Variants in RARB observed in about 807,000 individuals in gnomAD.
The protein encoded by RARB is HBV-activated protein.
RARB carries 17 observed loss-of-function variants against 51.9 expected under a neutral mutation model. The observed-to-expected ratio is 0.33, with a 90% CI of 0.22 to 0.49. RARB has a LOEUF of 0.49. RARB is among the 20% of genes least tolerant of loss of function. RARB has a pLI of 0.99. For synonymous variants in RARB, 215 were observed against 195.4 expected (o/e 1.10, Z -0.84); for missense variants, 369 against 550.8 (o/e 0.67, Z 3.30).
chr3:25,270,701 G>A (rs1367269281), intron 5 of RARB, among the ~76,000 whole-genome samples: 1 of 152,194 alleles, frequency 6.6e-6, no homozygotes, highest in Non-Finnish European at 1.5e-5. Flanking sequence ...ATCACCTTAT[G>A]ATGTTCTCAC....
At chr3:25,342,844 A>G (rs940851762) in intron 5 of RARB, among the ~76,000 whole-genome samples, 4 of 152,192 alleles carry the variant, frequency 2.6e-5, no homozygotes, top group African/African-American at 9.7e-5. Flanking sequence ...AAGTACAAAG[A>G]AAATAGAAGG....
intron 5 of RARB, among the ~76,000 whole-genome samples, chr3:25,235,917 C>A (rs1275480315): frequency 6.6e-6 from 1 of 152,036 alleles, no homozygotes; most frequent in Non-Finnish European, 1.5e-5. Context: ...GTTAATCAAC[C>A]CTGTTTTCTT....
intron 2 of RARB, among the ~76,000 whole-genome samples, chr3:24,913,403 T>TCTCTC (rs57337102): frequency 4.2e-5 from 5 of 118,356 alleles, no homozygotes; most frequent in African/African-American, 1.4e-4. Flanking sequence ...TCTCTCTCTC[T>TCTCTC]TTTTTTTTTT....
chr3:25,128,164 A>G (rs1699891364), intron 3 of RARB, among the ~76,000 whole-genome samples: 1 of 152,080 alleles, frequency 6.6e-6, no homozygotes, highest in Non-Finnish European at 1.5e-5. Context: ...CATGACAAGG[A>G]CAGCAGAATC....
At chr3:25,072,964 C>T (rs1698800063) in intron 3 of RARB, among the ~76,000 whole-genome samples, 1 of 152,092 alleles carries the variant, frequency 6.6e-6, no homozygotes, top group African/African-American at 2.4e-5. Flanking sequence ...TCCGAAAGTG[C>T]TGGGATTACA....
At chr3:25,239,441 T>C (rs953383701) in intron 5 of RARB, among the ~76,000 whole-genome samples, 7 of 152,178 alleles carry the variant, frequency 4.6e-5, no homozygotes, top group East Asian at 1.9e-4. Context: ...TTGGGTGTTA[T>C]GTTTAAGTCT....
At chr3:24,985,421 C>T (rs921750224) in intron 2 of RARB, among the ~76,000 whole-genome samples, 4 of 147,328 alleles carry the variant, frequency 2.7e-5, no homozygotes, top group Non-Finnish European at 5.9e-5. Flanking sequence ...AAACAGAATT[C>T]TGTGACTTTT....
chr3:24,961,208 T>C (rs906937673), intron 2 of RARB, among the ~76,000 whole-genome samples: 2 of 152,266 alleles, frequency 1.3e-5, no homozygotes, highest in African/African-American at 4.8e-5. Context: ...AGAGATTCTG[T>C]TGTTCAATTA....
intron 4 of RARB, among the ~76,000 whole-genome samples, chr3:25,148,286 AT>A (rs1301393244): frequency 6.6e-6 from 1 of 152,216 alleles, no homozygotes; most frequent in East Asian, 1.9e-4. Flanking sequence ...TAGAGACAGA[AT>A]TGTTTCAATT....
At position 25,596,766 on chromosome 3, in the gene RARB, T is replaced by G; in HGVS notation, c.*150T>G. The G allele has an allele frequency of 1.7e-6, 1 of 583,628 alleles. No homozygotes were observed. The highest frequency in any genetic ancestry group is 4.3e-5 in the South Asian group (1 of 23,328). The allele number at this position is 583,628 out of a possible 1,614,324, so 36.2% of individuals were successfully genotyped here. ...CAAGAAGTTTTCATATGTATCAATA[T>G]ATATACTCCTCACTGTGTAACTTAC... On this transcript the variant is annotated 3_prime_UTR_variant, in exon 8 of 8. Transcript: ENST00000330688.
intron 1 of RARB, among the ~76,000 whole-genome samples, chr3:25,437,793 A>G (rs1317627771): frequency 6.6e-6 from 1 of 152,232 alleles, no homozygotes; most frequent in African/African-American, 2.4e-5. Flanking sequence ...CAGTGGAATA[A>G]GTGCACACCT....
At chr3:25,064,523 G>A (rs1033569218) in intron 3 of RARB, among the ~76,000 whole-genome samples, 1 of 152,078 alleles carries the variant, frequency 6.6e-6, no homozygotes, top group African/African-American at 2.4e-5. Flanking sequence ...ATTACCGAGA[G>A]ACAGTTATGG....
chr3:25,540,227 A>G (rs1575500318), intron 3 of RARB, among the ~76,000 whole-genome samples: 1 of 152,222 alleles, frequency 6.6e-6, no homozygotes, highest in Non-Finnish European at 1.5e-5. Flanking sequence ...CAGCGAGACC[A>G]TGGAATTCTG....
At chr3:25,180,082 G>A (rs1223016147) in intron 5 of RARB, among the ~76,000 whole-genome samples, 3 of 152,152 alleles carry the variant, frequency 2.0e-5, no homozygotes, top group African/African-American at 4.8e-5. Flanking sequence ...CCAAAGGAGT[G>A]TCTCAATTGT....
At chr3:25,286,011 C>A (rs778334215) in intron 5 of RARB, among the ~76,000 whole-genome samples, 2 of 151,622 alleles carry the variant, frequency 1.3e-5, no homozygotes, top group Non-Finnish European at 2.9e-5. Context: ...TTCCTTAAAC[C>A]ATTTGTGTCA....
At chr3:24,994,474 CT>C (rs1696979529) in intron 2 of RARB, among the ~76,000 whole-genome samples, 1 of 151,882 alleles carries the variant, frequency 6.6e-6, no homozygotes, top group South Asian at 2.1e-4. Context: ...TGATTGTTTC[CT>C]TTGCTGTATA....
chr3:24,958,255 G>GTTTTGTTTTGTT (rs1314564374), intron 2 of RARB, among the ~76,000 whole-genome samples: 3 of 69,444 alleles, frequency 4.3e-5, no homozygotes, highest in Non-Finnish European at 6.0e-5. Context: ...AGCTGCTCAG[G>GTTTTGTTTTGTT]TTTTTTTTTT....
At chr3:25,264,930 A>G (rs796148748) in intron 5 of RARB, among the ~76,000 whole-genome samples, 38 of 152,292 alleles carry the variant, frequency 2.5e-4, no homozygotes, top group African/African-American at 8.4e-4. Context: ...AACATTCCCA[A>G]TGTGATAGTA....
At chr3:25,017,396 A>G (rs1697536289) in intron 2 of RARB, among the ~76,000 whole-genome samples, 1 of 151,114 alleles carries the variant, frequency 6.6e-6, no homozygotes, top group Non-Finnish European at 1.5e-5. Context: ...AAAAGATTAA[A>G]GAAGATTTTT....
Sources: gnomAD v4.1 joint callset for allele counts (sites outside exome capture counted in the v4.1 genomes callset) on GRCh38, gnomAD v4.1.1 for gene constraint, MANE v1.5 for transcripts, NCBI Gene and HGNC (gene_info 2026-07-23, HGNC 2026-07-21) for gene names.